Variants in CUX2 observed in about 807,000 individuals in gnomAD.
The protein encoded by CUX2 is cut like homeobox 2.
CUX2 carries 40 observed loss-of-function variants against 144.8 expected under a neutral mutation model. That is an observed-to-expected ratio of 0.28 (90% CI 0.21 to 0.36). The LOEUF is 0.36. Among genes scored for constraint, CUX2 ranks in the 10% least tolerant of loss-of-function variants. The pLI is 1.00. For missense variants in CUX2, 1,615 were observed against 1,994.0 expected, an observed-to-expected ratio of 0.81 and a Z score of 3.62; for synonymous variants, 827 against 875.6, an observed-to-expected ratio of 0.94 and a Z score of 0.98.
chr12:111,183,389 G>C (rs148422892), intron 1 of CUX2, among the ~76,000 whole-genome samples: 125 of 152,352 alleles, frequency 8.2e-4, no homozygotes, highest in African/African-American at 2.9e-3. Flanking sequence ...CCCTCAGTTG[G>C]AGGAGCCAGT....
chr12:111,227,826 G>A (rs970193203), intron 3 of CUX2, among the ~76,000 whole-genome samples: 122 of 152,094 alleles, frequency 8.0e-4, no homozygotes, highest in African/African-American at 2.8e-3. Flanking sequence ...CCTTTATTTC[G>A]CAGCATGTAT....
At chr12:111,232,236 T>C in intron 3 of CUX2, among the ~76,000 whole-genome samples, 1 of 149,628 alleles carries the variant, frequency 6.7e-6, no homozygotes, top group African/African-American at 2.5e-5. Context: ...TACAGGAGGG[T>C]TGGGCACAAT....
At chr12:111,343,150 T>C (rs1888649584) in intron 21 of CUX2, among the ~76,000 whole-genome samples, 1 of 151,948 alleles carries the variant, frequency 6.6e-6, no homozygotes, top group Non-Finnish European at 1.5e-5. Context: ...GGATCCCTGA[T>C]TTGGGGCTCC....
chr12:111,330,730 T>TACATATACATATATATATATATATAC (rs1565926325), intron 18 of CUX2, among the ~76,000 whole-genome samples: 1 of 51,570 alleles, frequency 1.9e-5, no homozygotes, highest in Non-Finnish European at 4.2e-5. Flanking sequence ...TATATATATA[T>TACATATACATATATATATATATATAC]ATATATATAT....
chr12:111,148,396 G>A (rs902401284), intron 1 of CUX2, among the ~76,000 whole-genome samples: 2 of 152,126 alleles, frequency 1.3e-5, no homozygotes, highest in Non-Finnish European at 2.9e-5. Context: ...TGGAGAGTTC[G>A]TGTTTGATGG....
At chr12:111,122,356 A>G (rs1874744897) in intron 1 of CUX2, among the ~76,000 whole-genome samples, 1 of 152,196 alleles carries the variant, frequency 6.6e-6, no homozygotes, top group South Asian at 2.1e-4. Flanking sequence ...GGATGTTTTT[A>G]TAGAAGAAAA....
chr12:111,138,472 A>G (rs1190218303), intron 1 of CUX2, among the ~76,000 whole-genome samples: 1 of 152,126 alleles, frequency 6.6e-6, no homozygotes, highest in African/African-American at 2.4e-5. Flanking sequence ...GGTAAGTGGC[A>G]GGAAATGCTG....
intron 1 of CUX2, among the ~76,000 whole-genome samples, chr12:111,187,002 C>T: frequency 6.6e-6 from 1 of 152,184 alleles, no homozygotes; most frequent in East Asian, 1.9e-4. Flanking sequence ...TGGCTTCAAA[C>T]TCCTGACCTC....
chr12:111,349,157 A>C lies in CUX2; in HGVS notation c.*832A>C, dbSNP rs878972760. On this transcript the variant is annotated 3_prime_UTR_variant, in exon 22 of 22. Coordinates refer to ENST00000261726, the MANE Select transcript of CUX2 (RefSeq NM_015267.4). ...CTAGTTAGAAACCTGTGGGCCATGG[A>C]GGTCAGACATCCATCTTGTCCATCT... The C allele has an allele frequency of 2.6e-5, 4 of 152,370 alleles. No individual in the cohort carries two copies. The South Asian group carries it at 8.3e-4, about 32-fold the overall frequency. The allele number at this position is 152,370 out of a possible 1,614,324, so 9.4% of individuals were successfully genotyped here.
At chr12:111,193,095 T>A (rs767162482) in intron 1 of CUX2, among the ~76,000 whole-genome samples, 7 of 151,848 alleles carry the variant, frequency 4.6e-5, no homozygotes, top group Non-Finnish European at 8.8e-5. Flanking sequence ...GTGAATGGAG[T>A]GTGAGCCAAG....
chr12:111,310,171 GCT>G lies in CUX2; in HGVS notation c.1390_1391del (p.Leu464GlyfsTer7). 6.4e-7 allele frequency: 1 copy of G among 1,554,866 alleles called. No individual in the cohort carries two copies. Among genetic ancestry groups the G allele is most frequent in the Non-Finnish European group, 8.7e-7 (1 of 1,152,188 alleles). Reference protein sequence around the residue: ...PLSPSPGQPLLGPSLGPDGTR... With the variant: ...PLSPSPGQPLXGPSLGPDGTR... The stretch of plus-strand genomic sequence containing the variant: ...TGTCTCCCAGCCCCGGGCAGCCCCT[GCT>G]GGGCCCCAGCTTGGGGCCTGACGGC... On this transcript the variant is annotated frameshift_variant, in exon 15 of 22. Coordinates refer to ENST00000261726, the MANE Select transcript of CUX2 (RefSeq NM_015267.4). LOFTEE classifies it high-confidence loss of function. The surrounding 1 kb of genome is among the most constrained non-coding windows in gnomAD (Gnocchi z 7.9).
chr12:111,169,821 T>C (rs1878401921), intron 1 of CUX2, among the ~76,000 whole-genome samples: 1 of 152,154 alleles, frequency 6.6e-6, no homozygotes, highest in Non-Finnish European at 1.5e-5. Flanking sequence ...GGACAATTAT[T>C]AGAGTCGATT....
rs904744429 is a variant in CUX2 at position 111,059,788 on chromosome 12, G to A, written c.63+25548G>A. ...GGTCCTCAGTCCTGGCTGGGATGCC[G>A]AGGGTGGGGGCAGTGAGGGAGGTGT... On this transcript the variant is annotated intron_variant, in intron 1 of 21. Transcript: ENST00000261726. The surrounding 1 kb of genome is among the most constrained non-coding windows in gnomAD (Gnocchi z 5.3). Among the ~76,000 whole-genome samples the A allele has an allele frequency of 1.3e-5, 2 of 152,010 alleles. No homozygotes were observed. Among genetic ancestry groups the A allele is most frequent in the Non-Finnish European group, 2.9e-5 (2 of 67,986 alleles).
intron 14 of CUX2, among the ~76,000 whole-genome samples, chr12:111,309,554 G>C (rs1886766096): frequency 6.6e-6 from 1 of 151,926 alleles, no homozygotes; most frequent in African/African-American, 2.4e-5. Context: ...CCAGCTGCTG[G>C]ACGCCTATAG....
chr12:111,284,895 G>A (rs1885296766), intron 4 of CUX2, among the ~76,000 whole-genome samples: 1 of 152,148 alleles, frequency 6.6e-6, no homozygotes, highest in African/African-American at 2.4e-5. Flanking sequence ...AAACCTTAGA[G>A]CCTGTTTCCT....
intron 9 of CUX2, among the ~76,000 whole-genome samples, chr12:111,299,656 A>G (rs991654207): frequency 7.2e-5 from 11 of 152,204 alleles, no homozygotes; most frequent in Admixed American, 2.0e-4. Flanking sequence ...TGAAATGATC[A>G]TTAAGTAAGC....
At chr12:111,204,405 G>A (rs1880789206) in intron 1 of CUX2, among the ~76,000 whole-genome samples, 1 of 152,216 alleles carries the variant, frequency 6.6e-6, no homozygotes, top group Admixed American at 6.5e-5. Context: ...TGGTAACACT[G>A]TAGGCACACA....
intron 1 of CUX2, among the ~76,000 whole-genome samples, chr12:111,124,966 G>A (rs986781317): frequency 2.6e-5 from 4 of 152,162 alleles, no homozygotes; most frequent in Admixed American, 1.3e-4. Flanking sequence ...TTGGGGAAGA[G>A]GATTCTAGTT....
chr12:111,299,218 C>T (rs1886163841), intron 9 of CUX2, among the ~76,000 whole-genome samples: 1 of 152,208 alleles, frequency 6.6e-6, no homozygotes, highest in Non-Finnish European at 1.5e-5. Context: ...GGAGAAGATG[C>T]CCACCCGCCC....
Sources: allele counts gnomAD v4.1 joint callset (sites outside exome capture counted in the v4.1 genomes callset), GRCh38; gene constraint gnomAD v4.1.1; non-coding constraint Gnocchi (gnomAD v3.1); transcripts MANE v1.5; gene names NCBI Gene and HGNC (gene_info 2026-07-23, HGNC 2026-07-21).